Variants in UNC5B observed in about 807,000 individuals in gnomAD.
The protein encoded by UNC5B is netrin receptor UNC5B.
In UNC5B, 56 loss-of-function variants were observed where a neutral mutation model predicts 103.7. The observed-to-expected ratio is 0.54, with a 90% CI of 0.44 to 0.67. The LOEUF (loss-of-function observed/expected upper bound fraction) is 0.67. Ranked by LOEUF, UNC5B falls within the 30% of genes least tolerant of loss-of-function variation. The probability of loss-of-function intolerance (pLI) is 0.00; values close to 1 mark genes in which losing one functional copy is unlikely to be tolerated. For synonymous variants in UNC5B, 577 were observed against 542.0 expected (o/e 1.06, Z -0.90); for missense variants, 1,194 against 1,284.5 (o/e 0.93, Z 1.08).
Position 71,225,060 on chromosome 10 carries a change from T to TA in UNC5B, c.79+11997dup, listed in dbSNP as rs1379846972. Among the ~76,000 whole-genome samples, 16 of 152,344 alleles carry TA rather than the reference T, an allele frequency of 1.1e-4. No individual in the cohort carries two copies. The South Asian group carries it at 1.4e-3, about 14-fold the overall frequency. On this transcript the variant is annotated intron_variant, in intron 1 of 16. Transcript: ENST00000335350. ...ACACATTTGGGAGAGCCTGCCTTGT[T>TA]AGACACATTTGGAAAGAGCACTGGA... is the stretch of plus-strand genomic sequence containing the variant.
In UNC5B at chr10:71,271,953, C is replaced by T. The variant is rs542992381; in HGVS notation, c.80-7868C>T. On this transcript the variant is annotated intron_variant, in intron 1 of 16. Coordinates refer to ENST00000335350, the MANE Select transcript of UNC5B (RefSeq NM_170744.5). Reference sequence around the variant, plus strand: ...GCCAGCCCCCATTTGTCATCGGTAACGGCCATTGTGACCGCCTCCGAGGGG... The same window carrying T: ...GCCAGCCCCCATTTGTCATCGGTAATGGCCATTGTGACCGCCTCCGAGGGG... 3.0e-3 allele frequency among the ~76,000 whole-genome samples: 463 copies of T among 152,248 alleles called. 2 individuals are homozygous for T. Among genetic ancestry groups the T allele is most frequent in the South Asian group, 0.016 (77 of 4,802 alleles).
chr10:71,295,976 A>G lies in UNC5B; in HGVS notation c.2325+16A>G. ...CAAATACCAGGTGAGGGCTGGGCTGATGGATGGGGAGGGGCACCACTTAAG... is the reference window on the plus strand; with the variant it reads ...CAAATACCAGGTGAGGGCTGGGCTGGTGGATGGGGAGGGGCACCACTTAAG... On this transcript the variant is annotated intron_variant, in intron 14 of 16. Coordinates refer to ENST00000335350, the MANE Select transcript of UNC5B (RefSeq NM_170744.5). 6.2e-7 allele frequency: 1 copy of G among 1,612,332 alleles called. No individual in the cohort carries two copies. Among genetic ancestry groups the G allele is most frequent in the Non-Finnish European group, 8.5e-7 (1 of 1,179,942 alleles).
chr10:71,292,785 A>G (rs191457582), intron 11 of UNC5B, among the ~76,000 whole-genome samples: 201 of 152,330 alleles, frequency 1.3e-3, no homozygotes, highest in African/African-American at 4.7e-3. Flanking sequence ...TATCCTTACT[A>G]TGTAAAGAGA....
intron 1 of UNC5B, among the ~76,000 whole-genome samples, chr10:71,235,160 G>A (rs1045253646): frequency 7.9e-5 from 12 of 152,184 alleles, no homozygotes; most frequent in African/African-American, 2.2e-4. Context: ...CCTGTCTGGC[G>A]CCGGAGTGCT....
At position 71,213,027 on chromosome 10, in the gene UNC5B, A is replaced by G; in HGVS notation, c.42A>G (p.Ala14=). The part of the protein sequence containing the change: ...RSGARGALLL[A]LLLCWDPRLS... ...GAGCTCGGGGCGCGCTGCTGCTGGC[A>G]CTGCTGCTCTGCTGGGACCCGAGGC... Residue 14 remains alanine, a synonymous_variant, in exon 1 of 17, where the codon GCA becomes GCG. Transcript: ENST00000335350. The surrounding 1 kb of genome is among the most constrained non-coding windows in gnomAD (Gnocchi z 4.1). 1.4e-6 allele frequency: 2 copies of G among 1,422,594 alleles called. No individual in the cohort carries two copies. Among genetic ancestry groups the G allele is most frequent in the Non-Finnish European group, 9.2e-7 (1 of 1,082,238 alleles). 88.1% of individuals were successfully genotyped at this position (1,422,594 alleles called of 1,614,324 possible).
chr10:71,283,235 T>C (rs1286833135), intron 2 of UNC5B, among the ~76,000 whole-genome samples: 1 of 152,194 alleles, frequency 6.6e-6, no homozygotes, highest in African/African-American at 2.4e-5. Context: ...GCCTGCCACC[T>C]ACCCTCTCTG....
chr10:71,229,836 G>A (rs1288446312), intron 1 of UNC5B, among the ~76,000 whole-genome samples: 3 of 152,172 alleles, frequency 2.0e-5, no homozygotes, highest in African/African-American at 7.2e-5. Flanking sequence ...TTGAGTAAGA[G>A]CTGGTGGTGA....
intron 1 of UNC5B, among the ~76,000 whole-genome samples, chr10:71,268,480 G>A (rs1844571185): frequency 6.6e-6 from 1 of 151,992 alleles, no homozygotes. Context: ...CCCAGCTGGA[G>A]GTGAAGGGTC....
rs761719216 is a variant in UNC5B, at chr10:71,288,720, C to T, written c.1054C>T (p.Leu352=). The T allele has an allele frequency of 6.2e-7, 1 of 1,611,268 alleles. No individual in the cohort carries two copies. The highest frequency in any genetic ancestry group is 8.5e-7 in the Non-Finnish European group (1 of 1,178,344). The change falls in exon 7 of 17, where the codon CTG becomes TTG. Residue 352 remains leucine (L), a synonymous_variant. Coordinates refer to ENST00000335350, the MANE Select transcript of UNC5B (RefSeq NM_170744.5). ...CGACTCTAAGAACTGCACAGATGGG[C>T]TGTGCATGCAAAGTGAGTCACAGGG... ...LLDSKNCTDG[L]CMQNKKTLSD...
chr10:71,294,067 G>A, intron 13 of UNC5B, 134 bp downstream of exon 13: 1 of 817,536 alleles, frequency 1.2e-6, no homozygotes. Context: ...TCCCGCTTGC[G>A]ACCCTCACAC....
At chr10:71,262,524 G>A (rs558732169) in intron 1 of UNC5B, among the ~76,000 whole-genome samples, 7 of 152,214 alleles carry the variant, frequency 4.6e-5, no homozygotes, top group African/African-American at 7.2e-5. Context: ...GAGCCCGCCC[G>A]GGAGACTCAT....
intron 1 of UNC5B, among the ~76,000 whole-genome samples, chr10:71,216,560 C>T (rs1843333381): frequency 6.6e-6 from 1 of 152,200 alleles, no homozygotes. Flanking sequence ...GCCAAATAAA[C>T]ATTAGCATTT....
Position 71,302,157 on chromosome 10 carries a change from C to G in UNC5B, c.*2880C>G, listed in dbSNP as rs1845596232. 1 of 151,752 alleles carries G rather than the reference C, an allele frequency of 6.6e-6. No individual in the cohort carries two copies. Among genetic ancestry groups the G allele is most frequent in the African/African-American group, 2.4e-5 (1 of 41,406 alleles). The allele number at this position is 151,752 out of a possible 1,614,324, so 9.4% of individuals were successfully genotyped here. On this transcript the variant is annotated 3_prime_UTR_variant, in exon 17 of 17. Transcript: ENST00000335350. ...GGGATGGGTGGTTTCTCCTCCAATTCAGACCCAAGAGGTAGCCCCCGAGGG... is the reference window on the plus strand; with the variant it reads ...GGGATGGGTGGTTTCTCCTCCAATTGAGACCCAAGAGGTAGCCCCCGAGGG...
At chr10:71,287,958 G>A (rs1845136594) in intron 6 of UNC5B, among the ~76,000 whole-genome samples, 193 bp downstream of exon 6, 3 of 152,198 alleles carry the variant, frequency 2.0e-5, no homozygotes, top group Admixed American at 6.5e-5. Context: ...GGCTGCTGGT[G>A]AGATGGAGGC....
chr10:71,287,790 C>G (rs2132306824), intron 6 of UNC5B, 25 bp downstream of exon 6: 1 of 1,602,926 alleles, frequency 6.2e-7, no homozygotes, highest in Admixed American at 1.7e-5. Context: ...CCATGTCCAG[C>G]CCCACCCCGA....
chr10:71,266,186 G>A (rs1167983503), intron 1 of UNC5B, among the ~76,000 whole-genome samples: 2 of 152,158 alleles, frequency 1.3e-5, no homozygotes, highest in African/African-American at 4.8e-5. Context: ...AGATCCTGCA[G>A]CTGTGAGGGG....
chr10:71,213,728 A>AGTGTGTGTGTGTGTGTGTGTGTGTGT lies in UNC5B; in HGVS notation c.79+673_79+698dup, dbSNP rs58235566. On this transcript the variant is annotated intron_variant, in intron 1 of 16. Transcript: ENST00000335350. The surrounding 1 kb of genome is among the most constrained non-coding windows in gnomAD (Gnocchi z 4.1). ...ATTATTAATTTTCTGAGTGTTGGAGAGTGTGTGTGTGTGTGTGTGTGTGTG... is the reference window on the plus strand; with the variant it reads ...ATTATTAATTTTCTGAGTGTTGGAGAGTGTGTGTGTGTGTGTGTGTGTGTGTGTGTGTGTGTGTGTGTGTGTGTGTG... Among the ~76,000 whole-genome samples the AGTGTGTGTGTGTGTGTGTGTGTGTGT allele has an allele frequency of 5.9e-4, 78 of 131,464 alleles. No homozygotes were observed. Among genetic ancestry groups the AGTGTGTGTGTGTGTGTGTGTGTGTGT allele is most frequent in the African/African-American group, 2.2e-3 (75 of 34,252 alleles). The allele number at this position is 131,464 out of a possible 152,430, so 86.2% of individuals were successfully genotyped here. A position where few individuals can be genotyped will look rare whatever the true frequency, so the allele number is the denominator to read the frequency against.
rs190542395 is a variant in UNC5B, at chr10:71,287,111, G to A, written c.733+242G>A. Among the ~76,000 whole-genome samples the A allele has an allele frequency of 1.9e-3, 297 of 152,356 alleles. 1 individual carries two copies. The highest frequency in any genetic ancestry group is 3.1e-3 in the Admixed American group (48 of 15,310). On this transcript the variant is annotated intron_variant, in intron 5 of 16. Coordinates refer to ENST00000335350, the MANE Select transcript of UNC5B (RefSeq NM_170744.5). ...TCTGAAGGAGTTCTCCAAGTCTGGG[G>A]GCTGAGGCAGGGCCCAGTCAGTATG...
intron 1 of UNC5B, 149 bp from the exon 2 acceptor site, chr10:71,279,672 G>A: frequency 1.3e-6 from 1 of 765,726 alleles, no homozygotes; most frequent in Non-Finnish European, 2.1e-6. Flanking sequence ...CTTGACCCCG[G>A]TTGCAGATTA....
Sources: allele counts gnomAD v4.1 joint callset (sites outside exome capture counted in the v4.1 genomes callset), GRCh38; gene constraint gnomAD v4.1.1; non-coding constraint Gnocchi (gnomAD v3.1); transcripts MANE v1.5; gene names NCBI Gene and HGNC (gene_info 2026-07-23, HGNC 2026-07-21).